TENM2: variants seen among roughly 807,000 people sequenced by gnomAD.
TENM2 encodes the protein teneurin transmembrane protein 2, also known as teneurin-2.
A neutral mutation model predicts 245.2 loss-of-function variants in TENM2; 52 were observed. The observed-to-expected ratio is 0.21, with a 90% confidence interval of 0.17 to 0.27. The LOEUF is 0.27. Ranked by LOEUF, TENM2 falls within the 10% of genes least tolerant of loss-of-function variation. The pLI is 1.00. For missense variants in TENM2, 3,046 were observed against 3,666.8 expected (o/e 0.83, Z 4.37); for synonymous variants, 1,363 against 1,438.9 (o/e 0.95, Z 1.19).
At chr5:167,631,836 A>G (rs898902735) in intron 2 of TENM2, among the ~76,000 whole-genome samples, 4 of 151,880 alleles carry the variant, frequency 2.6e-5, no homozygotes, top group African/African-American at 9.7e-5. Context: ...TCTCATAAAT[A>G]CTTTACCCTT....
At chr5:166,979,902 G>T in the TENM2 span, among the ~76,000 whole-genome samples, 3 of 152,058 alleles carry the variant, frequency 2.0e-5, no homozygotes, top group Non-Finnish European at 4.4e-5. Context: ...TTTTAACGTT[G>T]CATTGCTGTT....
intron 1 of TENM2, among the ~76,000 whole-genome samples, chr5:167,298,552 C>T (rs917841534): frequency 5.9e-5 from 9 of 152,054 alleles, no homozygotes; most frequent in Non-Finnish European, 8.8e-5. Flanking sequence ...TGCAGTGAGC[C>T]GAGATCGTGC....
At chr5:167,257,933 C>T in the TENM2 span, among the ~76,000 whole-genome samples, 1 of 151,930 alleles carries the variant, frequency 6.6e-6, no homozygotes, top group Admixed American at 6.6e-5. Flanking sequence ...TATACTTTCA[C>T]ATCTCAAAAT....
intron 2 of TENM2, among the ~76,000 whole-genome samples, chr5:167,650,487 A>C (rs1251196914): frequency 1.3e-5 from 2 of 152,190 alleles, no homozygotes; most frequent in Non-Finnish European, 2.9e-5. Flanking sequence ...AAAGGTTGTT[A>C]GAAGAGTGCT....
chr5:167,776,593 G>GAAAAAAACAAAAAAAAAAAAAAAA (rs1763799054), intron 2 of TENM2, among the ~76,000 whole-genome samples: 1 of 36,020 alleles, frequency 2.8e-5, no homozygotes, highest in Non-Finnish European at 5.6e-5. Context: ...GACCCTGTCT[G>GAAAAAAACAAAAAAAAAAAAAAAA]AAAAAAAAAA....
intron 2 of TENM2, among the ~76,000 whole-genome samples, chr5:167,861,369 C>T (rs961961626): frequency 6.6e-6 from 1 of 152,122 alleles, no homozygotes; most frequent in Non-Finnish European, 1.5e-5. Context: ...GTCAGCCTTG[C>T]GGGTGGTTTT....
chr5:168,238,102 G>A (rs954887650), intron 25 of TENM2, among the ~76,000 whole-genome samples: 5 of 143,474 alleles, frequency 3.5e-5, no homozygotes, highest in Admixed American at 7.4e-5. Context: ...CCCAGATTGC[G>A]CCACTGCACT....
At chr5:168,187,637 C>T (rs1028319010) in intron 13 of TENM2, 1 of 152,232 alleles carries the variant, frequency 6.6e-6, no homozygotes, top group African/African-American at 2.4e-5. Context: ...TAGAGCCCTT[C>T]TGTCTTTTGA....
intron 2 of TENM2, among the ~76,000 whole-genome samples, chr5:167,569,075 C>A (rs1168924218): frequency 8.6e-6 from 1 of 116,246 alleles, no homozygotes; most frequent in Non-Finnish European, 1.7e-5. Flanking sequence ...CACCTTCCTA[C>A]AGCTTTTTTT....
At chr5:168,174,709 G>A (rs1469386468) in intron 13 of TENM2, among the ~76,000 whole-genome samples, 8 of 152,326 alleles carry the variant, frequency 5.3e-5, no homozygotes, top group Admixed American at 3.3e-4. Flanking sequence ...GCCAGCTGAT[G>A]AGGAGAGACA....
At chr5:167,412,339 C>T (rs1762952327) in intron 2 of TENM2, among the ~76,000 whole-genome samples, 1 of 152,004 alleles carries the variant, frequency 6.6e-6, no homozygotes, top group South Asian at 2.1e-4. Flanking sequence ...AATTCTTCGG[C>T]CCCACTCCAG....
chr5:167,283,499 G>A (rs915283774), upstream of TENM2, among the ~76,000 whole-genome samples: 1 of 152,188 alleles, frequency 6.6e-6, no homozygotes, highest in Non-Finnish European at 1.5e-5. Context: ...TTGGCTTCTG[G>A]TGTCTGCAGG....
At chr5:167,537,233 G>T (rs969025247) in intron 2 of TENM2, among the ~76,000 whole-genome samples, 18 of 124,200 alleles carry the variant, frequency 1.4e-4, no homozygotes, top group African/African-American at 4.4e-4. Flanking sequence ...GCAATATAGT[G>T]AGACCCCCAT....
chr5:167,753,377 G>A (rs1203149541), intron 2 of TENM2, among the ~76,000 whole-genome samples: 2 of 152,164 alleles, frequency 1.3e-5, no homozygotes, highest in African/African-American at 4.8e-5. Context: ...TAAATCGATT[G>A]AAATTGCCAG....
intron 5 of TENM2, among the ~76,000 whole-genome samples, chr5:168,029,760 C>A (rs1786947209): frequency 6.6e-6 from 1 of 152,166 alleles, no homozygotes. Context: ...AAAATTTCCA[C>A]CTTTAGAGTT....
the TENM2 span, among the ~76,000 whole-genome samples, chr5:167,018,143 A>G: frequency 6.6e-6 from 1 of 152,230 alleles, no homozygotes; most frequent in Non-Finnish European, 1.5e-5. Context: ...AATCACATTC[A>G]TTAACCTTAA....
At chr5:167,547,439 C>G (rs909245313) in intron 2 of TENM2, among the ~76,000 whole-genome samples, 15 of 152,192 alleles carry the variant, frequency 9.9e-5, no homozygotes, top group Non-Finnish European at 2.9e-5. Flanking sequence ...ACATGAAGGG[C>G]AAAGAGTGGT....
the TENM2 span, among the ~76,000 whole-genome samples, chr5:167,257,661 A>C: frequency 6.6e-6 from 1 of 152,078 alleles, no homozygotes; most frequent in Admixed American, 6.6e-5. Context: ...GAAAACCCCC[A>C]AAAGCTTTGC....
rs55973990 is a variant in TENM2 at position 168,115,359 on chromosome 5, GGGAAGGAA to G, written c.1814-2890_1814-2883del. Among the ~76,000 whole-genome samples, 144 of 71,626 alleles carry G rather than the reference GGGAAGGAA, an allele frequency of 2.0e-3. 3 individuals carry two copies. In the Middle Eastern group the frequency reaches 0.024, roughly 12 times the overall value. The allele number at this position is 71,626 out of a possible 152,430, so 47.0% of individuals were successfully genotyped here. On this transcript the variant is annotated intron_variant, in intron 9 of 28. Coordinates refer to ENST00000518659, the Ensembl canonical transcript of TENM2. ...GGAAGGAAGGAAAGGAGGGAAGGAA[GGGAAGGAA>G]GGAAGGAAGGAAGGAAGGAAGGAAG...
Sources: gnomAD v4.1 joint callset for allele counts (sites outside exome capture counted in the v4.1 genomes callset) on GRCh38, gnomAD v4.1.1 for gene constraint, MANE v1.5 for transcripts, NCBI Gene and HGNC (gene_info 2026-07-23, HGNC 2026-07-21) for gene names.